Variants in PALM observed in about 807,000 individuals in gnomAD.
PALM encodes the protein paralemmin, also known as paralemmin-1.
In PALM, 18 loss-of-function variants were observed where a neutral mutation model predicts 30.7. That is an observed-to-expected ratio of 0.59 (90% CI 0.41 to 0.87). The LOEUF is 0.87. Among genes scored for constraint, PALM ranks in the 40% least tolerant of loss-of-function variants. The pLI, the probability that PALM is intolerant of heterozygous loss-of-function variation, is 0.00. For missense variants in PALM, 529 were observed against 555.4 expected (o/e 0.95, Z 0.48); for synonymous variants, 286 against 242.8 (o/e 1.18, Z -1.66).
At chr19:733,648 T>A (rs940141925) in intron 5 of PALM, among the ~76,000 whole-genome samples, 30 of 152,050 alleles carry the variant, frequency 2.0e-4, no homozygotes, top group East Asian at 7.8e-4. Context: ...GGATTCAGGG[T>A]GGCCTGCGGG....
chr19:740,590 T>A, intron 8 of PALM, 107 bp downstream of exon 8: 1 of 1,081,438 alleles, frequency 9.2e-7, no homozygotes, highest in Non-Finnish European at 1.3e-6. Context: ...GGACCCCGAT[T>A]CGATGTGAAG....
chr19:726,816 C>T (rs574929978), intron 2 of PALM, among the ~76,000 whole-genome samples, 192 bp from the exon 3 acceptor site: 12 of 152,300 alleles, frequency 7.9e-5, no homozygotes, highest in East Asian at 1.9e-4. Context: ...CATTGATTTT[C>T]GAGACAGGGT....
At chr19:734,077 C>G (rs147537473) in intron 5 of PALM, 96 bp from the exon 6 acceptor site, 46,125 of 1,133,044 alleles carry the variant, frequency 0.041, 1,229 homozygotes, top group East Asian at 0.1. Context: ...ACGTCACCCA[C>G]TGTGCCATGC....
At position 731,164 on chromosome 19, in the gene PALM, G is replaced by A. The variant is rs143990721; in HGVS notation, c.339G>A (p.Ala113=). ...SAPATAKENA[A]APSPVRAPAP... is the part of the protein sequence containing the mutation. ...CAGCCACTGCCAAGGAGAACGCGGC[G>A]GCCCCGAGCCCAGTCCGGGCCCCAG... The change falls in exon 5 of 9, where the codon GCG becomes GCA. Residue 113 remains alanine (A), a synonymous_variant. Coordinates refer to ENST00000338448, the MANE Select transcript of PALM (RefSeq NM_002579.3). 19 of 1,609,366 alleles carry A rather than the reference G, an allele frequency of 1.2e-5. No homozygotes were observed. Among genetic ancestry groups the A allele is most frequent in the Admixed American group, 5.0e-5 (3 of 59,572 alleles).
At chr19:726,937 C>A in intron 2 of PALM, 71 bp from the exon 3 acceptor site, 1 of 953,242 alleles carries the variant, frequency 1.0e-6, no homozygotes, top group Non-Finnish European at 1.6e-6. Flanking sequence ...CTGGGCAGAG[C>A]CTTGTGTGGG....
chr19:727,394 C>T (rs2032720814), intron 3 of PALM, among the ~76,000 whole-genome samples, 170 bp from the exon 4 acceptor site: 1 of 151,732 alleles, frequency 6.6e-6, no homozygotes. Context: ...AGACCCTGAC[C>T]CCCAACCTCG....
chr19:721,882 G>A (rs147432732), intron 1 of PALM, among the ~76,000 whole-genome samples: 1 of 152,138 alleles, frequency 6.6e-6, no homozygotes, highest in East Asian at 1.9e-4. Flanking sequence ...CCAGGCGTGA[G>A]CCACTGCACC....
In PALM at chr19:726,995, G is replaced by A. The variant is rs1233749177; in HGVS notation, c.58-13G>A. On this transcript the variant is annotated splice_polypyrimidine_tract_variant and intron_variant, in intron 2 of 8. Coordinates refer to ENST00000338448, the MANE Select transcript of PALM (RefSeq NM_002579.3). ...CCACGCCCATCCCTGACCCCACCCG[G>A]CCCTCCCCACAGGAGAAGCGGAAGC... 5.3e-6 allele frequency: 4 copies of A among 753,664 alleles called. No homozygotes were observed. Among genetic ancestry groups the A allele is most frequent in the Non-Finnish European group, 8.3e-6 (4 of 479,510 alleles). 46.7% of individuals were successfully genotyped at this position (753,664 alleles called of 1,614,324 possible). A position where few individuals can be genotyped will look rare whatever the true frequency, so the allele number is the denominator to read the frequency against.
chr19:714,419 C>G (rs372884967), intron 1 of PALM, among the ~76,000 whole-genome samples: 76 of 133,302 alleles, frequency 5.7e-4, no homozygotes, highest in African/African-American at 2.0e-3. Context: ...AGTGCAGTGG[C>G]GAGATCTCGG....
chr19:731,332 A>AC, intron 5 of PALM, 87 bp downstream of exon 5: 16 of 1,211,062 alleles, frequency 1.3e-5, no homozygotes, highest in Non-Finnish European at 1.8e-5. Context: ...ATGTCAGCGT[A>AC]GCTGAGGGGA....
chr19:736,124 G>A (rs773176945), intron 7 of PALM, 46 bp downstream of exon 7: 4 of 1,460,484 alleles, frequency 2.7e-6, no homozygotes, highest in Non-Finnish European at 3.8e-6. Flanking sequence ...GCCGCTGTCA[G>A]GGACCAAGTC....
chr19:710,005 C>T (rs1358635053), intron 1 of PALM, among the ~76,000 whole-genome samples: 5 of 152,150 alleles, frequency 3.3e-5, no homozygotes, highest in African/African-American at 1.2e-4. Context: ...CCCCTCTGCC[C>T]CTCACTCCCA....
chr19:743,308 C>G (rs2033243377), intron 8 of PALM, among the ~76,000 whole-genome samples: 1 of 152,190 alleles, frequency 6.6e-6, no homozygotes. Flanking sequence ...ACCCCCATCA[C>G]TCCACCCTCC....
Position 709,653 on chromosome 19 carries a change from G to A in PALM, c.5+502G>A, listed in dbSNP as rs1328118426. Reference sequence around the variant, plus strand: ...GCCCCCCACCCCCGCCCTTCCCAAGGGCCTCCAGGGGTGTCCTGAGCCCCC... The same window carrying A: ...GCCCCCCACCCCCGCCCTTCCCAAGAGCCTCCAGGGGTGTCCTGAGCCCCC... On this transcript the variant is annotated intron_variant, in intron 1 of 8. Transcript: ENST00000338448. This position sits in a 1 kb window ranked among gnomAD's most constrained non-coding sequence, Gnocchi z 4.3. Among the ~76,000 whole-genome samples, 2 of 152,072 alleles carry A rather than the reference G, an allele frequency of 1.3e-5. No individual in the cohort carries two copies. The highest frequency in any genetic ancestry group is 2.9e-5 in the Non-Finnish European group (2 of 67,950).
At position 721,419 on chromosome 19, in the gene PALM, C is replaced by T. The variant is rs1027404649; in HGVS notation, c.6-4719C>T. 4.6e-5 allele frequency among the ~76,000 whole-genome samples: 7 copies of T among 151,766 alleles called. No individual in the cohort carries two copies. The East Asian group carries it at 1.4e-3, about 29-fold the overall frequency. On this transcript the variant is annotated intron_variant, in intron 1 of 8. Coordinates refer to ENST00000338448, the MANE Select transcript of PALM (RefSeq NM_002579.3). Reference sequence around the variant, plus strand: ...TAGCTGGGATTACAGGCGCCTGGCACCACCCCCAGCTAATTTTTGTATTTT... The same window carrying T: ...TAGCTGGGATTACAGGCGCCTGGCATCACCCCCAGCTAATTTTTGTATTTT...
intron 1 of PALM, among the ~76,000 whole-genome samples, chr19:724,414 G>C (rs2032593639): frequency 6.6e-6 from 1 of 151,300 alleles, no homozygotes; most frequent in South Asian, 2.1e-4. Context: ...TCTGCCTCCT[G>C]GGTTCAAGCC....
At chr19:727,423 G>A in intron 3 of PALM, 141 bp from the exon 4 acceptor site, 1 of 679,528 alleles carries the variant, frequency 1.5e-6, no homozygotes, top group Non-Finnish European at 2.6e-6. Flanking sequence ...TCTGACCTCA[G>A]CACTGATCCC....
chr19:709,135 C>A lies in PALM; in HGVS notation c.-12C>A. 1 of 317,374 alleles carries A rather than the reference C, an allele frequency of 3.2e-6. No individual in the cohort carries two copies. 19.7% of individuals were successfully genotyped at this position (317,374 alleles called of 1,614,324 possible). ...CCCGGCACCGCGGACCCACCCGGAC[C>A]TCGGCGGGGAGATGGAGTGAGTAGG... On this transcript the variant is annotated 5_prime_UTR_variant, in exon 1 of 9. Transcript: ENST00000338448. This position sits in a 1 kb window ranked among gnomAD's most constrained non-coding sequence, Gnocchi z 4.3.
In PALM at chr19:746,425, G is replaced by A. The variant is rs776550519; in HGVS notation, c.775G>A (p.Ala259Thr). Residue 259 changes from alanine (A) to threonine (T), a missense_variant, in exon 9 of 9, where the codon GCT (alanine) becomes ACT (threonine). Transcript: ENST00000338448. This position sits in a 1 kb window ranked among gnomAD's most constrained non-coding sequence, Gnocchi z 7.1. ...STAGAAETRGAVEGAARTTPS... is the reference protein window; with the variant it reads ...STAGAAETRGTVEGAARTTPS... Reference sequence around the variant, plus strand: ...GGCCGGGGCGGCAGAGACCCGGGGGGCTGTGGAGGGGGCAGCCCGGACCAC... The same window carrying A: ...GGCCGGGGCGGCAGAGACCCGGGGGACTGTGGAGGGGGCAGCCCGGACCAC... 4.3e-6 allele frequency: 7 copies of A among 1,611,154 alleles called. No individual in the cohort carries two copies. Among genetic ancestry groups the A allele is most frequent in the South Asian group, 2.2e-5 (2 of 90,894 alleles).
Sources: gnomAD v4.1 joint callset for allele counts (sites outside exome capture counted in the v4.1 genomes callset) on GRCh38, gnomAD v4.1.1 for gene constraint, Gnocchi (gnomAD v3.1) non-coding constraint, MANE v1.5 for transcripts, NCBI Gene and HGNC (gene_info 2026-07-23, HGNC 2026-07-21) for gene names.